The following NTN1 variants were observed in gnomAD, a reference collection of about 807,000 sequenced individuals.
NTN1 encodes the protein netrin 1.
A neutral mutation model predicts 54.2 loss-of-function variants in NTN1; 11 were observed. The observed-to-expected ratio is 0.20, with a 90% CI of 0.13 to 0.34. The LOEUF is 0.34. Ranked by LOEUF, NTN1 falls within the 10% of genes least tolerant of loss-of-function variation. The pLI is 1.00. For synonymous variants in NTN1, 371 were observed against 382.0 expected (o/e 0.97, Z 0.33); for missense variants, 740 against 893.1 (o/e 0.83, Z 2.18).
intron 5 of NTN1, among the ~76,000 whole-genome samples, chr17:9,206,941 C>G (rs1904983383): frequency 6.6e-6 from 1 of 152,144 alleles, no homozygotes; most frequent in Non-Finnish European, 1.5e-5. Flanking sequence ...CCTTCCGATT[C>G]CTGCTTGGAG....
At chr17:9,152,986 C>T (rs1381336858) in intron 2 of NTN1, among the ~76,000 whole-genome samples, 3 of 152,010 alleles carry the variant, frequency 2.0e-5, no homozygotes, top group Non-Finnish European at 4.4e-5. Flanking sequence ...CTCCAGGGGG[C>T]GGCCAGGTGC....
At chr17:9,172,555 G>A (rs2092389969) in intron 3 of NTN1, among the ~76,000 whole-genome samples, 1 of 152,182 alleles carries the variant, frequency 6.6e-6, no homozygotes. Flanking sequence ...TCTGATGGAG[G>A]ACTTGAATAT....
rs1906169490 is a variant in NTN1, at chr17:9,240,411, T to C, written c.*443T>C. On this transcript the variant is annotated 3_prime_UTR_variant, in exon 7 of 7. Coordinates refer to ENST00000173229, the MANE Select transcript of NTN1 (RefSeq NM_004822.3). Reference sequence around the variant, plus strand: ...ACGTGGACGGGAGGAGAACTGTGAATTCTCAAGCCCGTAGTGTGGGCGGGG... The same window carrying C: ...ACGTGGACGGGAGGAGAACTGTGAACTCTCAAGCCCGTAGTGTGGGCGGGG... The C allele has an allele frequency of 6.6e-6, 1 of 152,008 alleles. No homozygotes were observed. Among genetic ancestry groups the C allele is most frequent in the South Asian group, 2.1e-4 (1 of 4,816 alleles). 9.4% of individuals were successfully genotyped at this position (152,008 alleles called of 1,614,324 possible).
intron 2 of NTN1, among the ~76,000 whole-genome samples, chr17:9,105,950 G>A (rs1410918439): frequency 6.6e-6 from 1 of 152,074 alleles, no homozygotes; most frequent in Non-Finnish European, 1.5e-5. Flanking sequence ...GTGGGGATGG[G>A]GAGTGGGGAA....
At chr17:9,010,564 A>G in the NTN1 span, among the ~76,000 whole-genome samples, 693 of 152,346 alleles carry the variant, frequency 4.5e-3, 5 homozygotes, top group African/African-American at 0.016. Flanking sequence ...TGCCCCAAGC[A>G]TGTCTTTTAA....
At chr17:9,147,114 C>T (rs1322397231) in intron 2 of NTN1, among the ~76,000 whole-genome samples, 1 of 152,202 alleles carries the variant, frequency 6.6e-6, no homozygotes, top group Non-Finnish European at 1.5e-5. Context: ...TAACTCAGGA[C>T]ATCATTGCAG....
intron 2 of NTN1, among the ~76,000 whole-genome samples, chr17:9,101,036 G>T (rs935147834): frequency 1.3e-5 from 2 of 152,118 alleles, no homozygotes; most frequent in Non-Finnish European, 2.9e-5. Flanking sequence ...CCTTGATTCT[G>T]TATCACCCGA....
rs572945223 is a variant in NTN1 at position 9,221,152 on chromosome 17, C to A, written c.1412-16C>A. 59 of 1,542,824 alleles carry A rather than the reference C, an allele frequency of 3.8e-5. No individual in the cohort carries two copies. In the African/African-American group the frequency reaches 6.4e-4, roughly 17 times the overall value. On this transcript the variant is annotated splice_polypyrimidine_tract_variant and intron_variant, in intron 5 of 6. Transcript: ENST00000173229. This position sits in a 1 kb window ranked among gnomAD's most constrained non-coding sequence, Gnocchi z 4.5. ...TAATTAGTTTTTGTCTGTGCTCCCC[C>A]CCCACCCCCCTGCAGACTGCGATTC...
intron 2 of NTN1, among the ~76,000 whole-genome samples, chr17:9,037,575 A>G (rs761541255): frequency 3.9e-5 from 6 of 152,136 alleles, no homozygotes; most frequent in Non-Finnish European, 8.8e-5. Flanking sequence ...TATTATATCA[A>G]ATGAGGAGTA....
At chr17:9,226,122 T>C (rs1370539690) in intron 6 of NTN1, among the ~76,000 whole-genome samples, 2 of 127,652 alleles carry the variant, frequency 1.6e-5, no homozygotes, top group African/African-American at 3.0e-5. Flanking sequence ...CCAGCTCCCG[T>C]AGGCTTAAGG....
chr17:9,055,606 A>G (rs2091976529), intron 2 of NTN1, among the ~76,000 whole-genome samples: 1 of 152,160 alleles, frequency 6.6e-6, no homozygotes, highest in Non-Finnish European at 1.5e-5. Flanking sequence ...TGCAGGAAGG[A>G]GCTTGCCACG....
intron 2 of NTN1, among the ~76,000 whole-genome samples, chr17:9,156,898 A>G (rs1389826299): frequency 6.6e-6 from 1 of 151,736 alleles, no homozygotes; most frequent in Non-Finnish European, 1.5e-5. Context: ...CTGCCCACCT[A>G]CCTATCCATC....
intron 2 of NTN1, among the ~76,000 whole-genome samples, chr17:9,093,201 G>A (rs551407415): frequency 1.3e-5 from 2 of 152,282 alleles, no homozygotes; most frequent in Non-Finnish European, 2.9e-5. Context: ...CTGATAAACC[G>A]CATTTTCTGT....
At chr17:9,157,202 G>A (rs1015981702) in intron 2 of NTN1, among the ~76,000 whole-genome samples, 5 of 152,250 alleles carry the variant, frequency 3.3e-5, no homozygotes, top group Admixed American at 6.5e-5. Flanking sequence ...GTTAATGAGA[G>A]ATTAGTCCCA....
At chr17:9,004,322 A>G in the NTN1 span, among the ~76,000 whole-genome samples, 1 of 152,206 alleles carries the variant, frequency 6.6e-6, no homozygotes, top group African/African-American at 2.4e-5. Flanking sequence ...GTCGACCTGC[A>G]CAGACTTTTT....
At chr17:9,146,231 G>A (rs966335461) in intron 2 of NTN1, among the ~76,000 whole-genome samples, 3 of 152,192 alleles carry the variant, frequency 2.0e-5, no homozygotes, top group African/African-American at 7.2e-5. Flanking sequence ...GAGGAGGCTT[G>A]AAGCATAATG....
chr17:9,028,529 C>G (rs1285968400), intron 2 of NTN1, among the ~76,000 whole-genome samples: 1 of 152,186 alleles, frequency 6.6e-6, no homozygotes, highest in African/African-American at 2.4e-5. Context: ...CCAGTTTTCT[C>G]TCTGACCTCC....
chr17:9,041,262 G>A (rs975533131), intron 2 of NTN1, among the ~76,000 whole-genome samples: 24 of 152,010 alleles, frequency 1.6e-4, no homozygotes, highest in South Asian at 8.3e-4. Flanking sequence ...TATGTTCGTC[G>A]ATTGGTACAA....
chr17:9,144,832 T>C (rs750023711), intron 2 of NTN1, among the ~76,000 whole-genome samples: 20 of 152,178 alleles, frequency 1.3e-4, no homozygotes, highest in Non-Finnish European at 2.6e-4. Context: ...CTGTTTGCAT[T>C]TGTCAAGTTA....
Sources: allele counts gnomAD v4.1 joint callset (sites outside exome capture counted in the v4.1 genomes callset), GRCh38; gene constraint gnomAD v4.1.1; non-coding constraint Gnocchi (gnomAD v3.1); transcripts MANE v1.5; gene names NCBI Gene and HGNC (gene_info 2026-07-23, HGNC 2026-07-21).